The following PLA2G4E variants were observed in gnomAD, a reference collection of about 807,000 sequenced individuals.
PLA2G4E encodes the protein phospholipase A2 group IVE.
In PLA2G4E, 84 loss-of-function variants were observed where a neutral mutation model predicts 109.1. That is an observed-to-expected ratio of 0.77 (90% CI 0.65 to 0.92). The LOEUF (loss-of-function observed/expected upper bound fraction) is 0.92. PLA2G4E is among the 40% of genes least tolerant of loss of function. The pLI, the probability that PLA2G4E is intolerant of heterozygous loss-of-function variation, is 0.00. For synonymous variants in PLA2G4E, 469 were observed against 436.1 expected (o/e 1.08, Z -0.94); for missense variants, 1,057 against 1,076.6 (o/e 0.98, Z 0.25).
chr15:42,003,445 G>A (rs2141045384), intron 5 of PLA2G4E, among the ~76,000 whole-genome samples: 1 of 152,320 alleles, frequency 6.6e-6, no homozygotes, highest in South Asian at 2.1e-4. Flanking sequence ...TTTTAGTAGA[G>A]ACGGGGTTTC....
At chr15:42,041,090 T>C (rs929661632) in intron 1 of PLA2G4E, among the ~76,000 whole-genome samples, 1 of 152,220 alleles carries the variant, frequency 6.6e-6, no homozygotes, top group Non-Finnish European at 1.5e-5. Flanking sequence ...GGATGTAGAT[T>C]AGAGCAAAGT....
intron 1 of PLA2G4E, among the ~76,000 whole-genome samples, chr15:42,032,122 C>T (rs1465181407): frequency 2.6e-5 from 4 of 152,160 alleles, no homozygotes; most frequent in African/African-American, 4.8e-5. Flanking sequence ...CCTTCTGCCA[C>T]GAGTAAAAGC....
At chr15:42,015,599 T>C (rs2068581463) in intron 1 of PLA2G4E, among the ~76,000 whole-genome samples, 1 of 152,202 alleles carries the variant, frequency 6.6e-6, no homozygotes, top group Non-Finnish European at 1.5e-5. Flanking sequence ...GGCCCTATGC[T>C]AGATGCTGGG....
At chr15:42,019,586 C>A (rs1489384076) in intron 1 of PLA2G4E, among the ~76,000 whole-genome samples, 1 of 152,192 alleles carries the variant, frequency 6.6e-6, no homozygotes, top group African/African-American at 2.4e-5. Context: ...TGGGTGTACC[C>A]TTCAGTTCCA....
chr15:42,039,139 C>A (rs1234961772), intron 1 of PLA2G4E, among the ~76,000 whole-genome samples: 2 of 152,162 alleles, frequency 1.3e-5, no homozygotes, highest in African/African-American at 4.8e-5. Context: ...TTACCCTAGT[C>A]AAATCTAAGC....
chr15:42,033,755 C>T (rs1485772077), intron 1 of PLA2G4E, among the ~76,000 whole-genome samples: 1 of 152,188 alleles, frequency 6.6e-6, no homozygotes, highest in Non-Finnish European at 1.5e-5. Flanking sequence ...CTGGCACCCT[C>T]TCCCTGCTGC....
At chr15:41,988,131 C>G in exon 16 of PLA2G4E, 1 of 1,602,854 alleles carries the variant, frequency 6.2e-7, no homozygotes, top group Non-Finnish European at 8.5e-7. Flanking sequence ...CCAGCAGGTT[C>G]AGGGAGAAGA....
chr15:41,984,453 C>A, exon 19 of PLA2G4E: 1 of 1,612,908 alleles, frequency 6.2e-7, no homozygotes, highest in South Asian at 1.1e-5. Flanking sequence ...CTTGTATTTT[C>A]GGAAAGTGTC....
intron 1 of PLA2G4E, among the ~76,000 whole-genome samples, chr15:42,030,932 G>T (rs1388701821): frequency 6.6e-6 from 1 of 152,106 alleles, no homozygotes. Context: ...ATTACAATTT[G>T]TTTATCCATT....
intron 1 of PLA2G4E, among the ~76,000 whole-genome samples, chr15:42,034,898 C>T (rs780800890): frequency 1.5e-4 from 23 of 152,188 alleles, no homozygotes; most frequent in Admixed American, 3.3e-4. Flanking sequence ...TTTGCTTAAG[C>T]GTATTTGAAA....
chr15:42,013,891 T>A, intron 1 of PLA2G4E, 134 bp from the exon 2 acceptor site: 1 of 594,422 alleles, frequency 1.7e-6, no homozygotes, highest in Non-Finnish European at 2.8e-6. Context: ...GGTTTTTTTT[T>A]TTTTTTTTTT....
At chr15:41,983,864 G>A in exon 20 of PLA2G4E, 1 of 1,613,298 alleles carries the variant, frequency 6.2e-7, no homozygotes, top group Non-Finnish European at 8.5e-7. Flanking sequence ...AGTTTCACCA[G>A]CTTGTCAAAG....
At chr15:42,038,323 C>T (rs1889253618) in intron 1 of PLA2G4E, among the ~76,000 whole-genome samples, 1 of 152,072 alleles carries the variant, frequency 6.6e-6, no homozygotes, top group Non-Finnish European at 1.5e-5. Flanking sequence ...TTATTGTGCA[C>T]TTTATTTCTA....
rs565988415 is a variant in PLA2G4E at position 42,012,348 on chromosome 15, T to C, written c.256+1337A>G. 8.5e-4 allele frequency among the ~76,000 whole-genome samples: 130 copies of C among 152,258 alleles called. 2 individuals are homozygous for C. Among genetic ancestry groups the C allele is most frequent in the Middle Eastern group, 6.8e-3 (2 of 292 alleles). ...CTCTGCCTCACTTCCTGGTTCTCCA[T>C]ACCTGGCTTGTCTCCTCTCTTGCCA... On this transcript the variant is annotated intron_variant, in intron 2 of 19. Coordinates refer to ENST00000399518, the Ensembl canonical transcript of PLA2G4E.
intron 11 of PLA2G4E, 98 bp from the exon 12 acceptor site, chr15:41,995,594 G>T: frequency 6.7e-7 from 1 of 1,492,038 alleles, no homozygotes; most frequent in East Asian, 2.3e-5. Flanking sequence ...CAATGGAGGA[G>T]GCAGAGCTGG....
intron 1 of PLA2G4E, among the ~76,000 whole-genome samples, chr15:42,046,576 C>T (rs1889420467): frequency 6.6e-6 from 1 of 152,218 alleles, no homozygotes; most frequent in Admixed American, 6.5e-5. Flanking sequence ...CTCGCTGTCA[C>T]ATTTTGTCCT....
At chr15:42,036,821 G>C (rs1273554452) in intron 1 of PLA2G4E, among the ~76,000 whole-genome samples, 3 of 152,194 alleles carry the variant, frequency 2.0e-5, no homozygotes, top group Non-Finnish European at 4.4e-5. Context: ...GGTTGGGGCT[G>C]TGGGCCTGGG....
intron 1 of PLA2G4E, among the ~76,000 whole-genome samples, chr15:42,018,674 G>T (rs958986088): frequency 1.3e-5 from 2 of 152,156 alleles, no homozygotes; most frequent in Non-Finnish European, 2.9e-5. Context: ...GGAAGCCAGG[G>T]GAGAGAGAGG....
At chr15:42,004,901 A>G (rs1381385975) in intron 5 of PLA2G4E, 37 bp downstream of exon 5, 4 of 1,601,234 alleles carry the variant, frequency 2.5e-6, no homozygotes, top group African/African-American at 1.4e-5. Flanking sequence ...CTTGATGGCC[A>G]GGACCTTGGT....
Sources: gnomAD v4.1 joint callset for allele counts (sites outside exome capture counted in the v4.1 genomes callset) on GRCh38, gnomAD v4.1.1 for gene constraint, MANE v1.5 for transcripts, NCBI Gene and HGNC (gene_info 2026-07-23, HGNC 2026-07-21) for gene names.